Variants in AK1 observed in about 807,000 individuals in gnomAD.
AK1 encodes the protein adenylate kinase 1, also known as adenylate kinase isoenzyme 1.
Under a neutral mutation model 23.9 loss-of-function variants are expected in AK1, and 13 were observed. That is an observed-to-expected ratio of 0.54 (90% confidence interval 0.35 to 0.86). The LOEUF (loss-of-function observed/expected upper bound fraction) is 0.86, where lower values mean the gene tolerates loss of function less well. AK1 is among the 40% of genes least tolerant of loss of function. The pLI, the probability that AK1 is intolerant of heterozygous loss-of-function variation, is 0.01. For synonymous variants in AK1, 97 were observed against 102.8 expected, an observed-to-expected ratio of 0.94 and a Z score of 0.34; for missense variants, 214 against 255.1, an observed-to-expected ratio of 0.84 and a Z score of 1.10.
Position 127,871,516 on chromosome 9 carries a change from A to T in AK1, c.324+307T>A, listed in dbSNP as rs1318530307. Among the ~76,000 whole-genome samples the T allele has an allele frequency of 2.0e-5, 3 of 150,570 alleles. No individual in the cohort carries two copies. The highest frequency in any genetic ancestry group is 4.4e-5 in the Non-Finnish European group (3 of 67,860). On this transcript the variant is annotated intron_variant, in intron 5 of 6. Coordinates refer to ENST00000644144, the MANE Select transcript of AK1 (RefSeq NM_000476.3). The surrounding 1 kb of genome is among the most constrained non-coding windows in gnomAD (Gnocchi z 4.4). The stretch of plus-strand genomic sequence containing the variant: ...AAGGCAGCTGTGACCTGGTCCTCCC[A>T]CTCCCTGCATTTTGCAGATGGGAAA...
intron 5 of AK1, among the ~76,000 whole-genome samples, chr9:127,870,867 C>T (rs986607731): frequency 1.3e-5 from 2 of 151,492 alleles, no homozygotes; most frequent in African/African-American, 2.5e-5. Context: ...CTGCCCCAGC[C>T]CACCAGGATG....
Position 127,868,091 on chromosome 9 carries a change from G to A in AK1, c.517-15C>T. Reference sequence around the variant, plus strand: ...TCAGCGTTGACCTGTGGGGAGATGGGCCGTGAGGGCTGAGTCACCAGGTGG... The same window carrying A: ...TCAGCGTTGACCTGTGGGGAGATGGACCGTGAGGGCTGAGTCACCAGGTGG... On this transcript the variant is annotated splice_polypyrimidine_tract_variant and intron_variant, in intron 6 of 6. Transcript: ENST00000644144. This position sits in a 1 kb window ranked among gnomAD's most constrained non-coding sequence, Gnocchi z 4.1. 6.2e-7 allele frequency: 1 copy of A among 1,613,790 alleles called. No homozygotes were observed. The highest frequency in any genetic ancestry group is 8.5e-7 in the Non-Finnish European group (1 of 1,179,742).
chr9:127,872,808 T>C lies in AK1; in HGVS notation c.89A>G (p.Gln30Arg). 6.2e-7 allele frequency: 1 copy of C among 1,614,102 alleles called. No individual in the cohort carries two copies. Among genetic ancestry groups the C allele is most frequent in the Non-Finnish European group, 8.5e-7 (1 of 1,180,014 alleles). Residue 30 changes from glutamine to arginine, a missense_variant, in exon 4 of 7, where the codon CAG becomes CGG. Physicochemically the swap from Gln to Arg is conservative, Grantham distance 43 (BLOSUM62 1). Transcript: ENST00000644144. ...GKGTQCEKIV[Q>R]KYGYTHLSTG... is the part of the protein sequence containing the mutation. ...GGAGAGGTGGGTGTAGCCATACTTC[T>C]GCACGATCTTCTCACACTGGGTGCC...
In AK1 at chr9:127,871,111, T is replaced by C. The variant is rs1252177726; in HGVS notation, c.324+712A>G. Among the ~76,000 whole-genome samples the C allele has an allele frequency of 1.3e-5, 2 of 151,754 alleles. No individual in the cohort carries two copies. The highest frequency in any genetic ancestry group is 2.9e-5 in the Non-Finnish European group (2 of 68,034). ...GCATGTGTGCACATGCCCCTGGCCT[T>C]GTGTGTATGAACTTGTGGGGCTTGT... On this transcript the variant is annotated intron_variant, in intron 5 of 6. Transcript: ENST00000644144. The surrounding 1 kb of genome is among the most constrained non-coding windows in gnomAD (Gnocchi z 4.4).
chr9:127,871,629 G>A lies in AK1; in HGVS notation c.324+194C>T, dbSNP rs1829411910. ...CCCAGGTTTGGCAACTGCCCCTCCT[G>A]GCGCTTCCCCTTCTACACATTTTCT... On this transcript the variant is annotated intron_variant, in intron 5 of 6. Transcript: ENST00000644144. This position sits in a 1 kb window ranked among gnomAD's most constrained non-coding sequence, Gnocchi z 4.4. 6.6e-6 allele frequency among the ~76,000 whole-genome samples: 1 copy of A among 151,516 alleles called. No individual in the cohort carries two copies. Among genetic ancestry groups the A allele is most frequent in the African/African-American group, 2.4e-5 (1 of 40,838 alleles).
intron 4 of AK1, 142 bp downstream of exon 4, chr9:127,872,548 G>A (rs551582448): frequency 1.9e-4 from 214 of 1,122,558 alleles, no homozygotes; most frequent in Non-Finnish European, 2.5e-4. Flanking sequence ...TCTGTCCAGG[G>A]CAATGGGGAA....
At position 127,872,717 on chromosome 9, in the gene AK1, G is replaced by T. The variant is rs149147899; in HGVS notation, c.180C>A (p.Ile60=). The T allele has an allele frequency of 1.2e-6, 2 of 1,614,012 alleles. No individual in the cohort carries two copies. Among genetic ancestry groups the T allele is most frequent in the African/African-American group, 2.7e-5 (2 of 74,932 alleles). Residue 60 remains isoleucine (I), a synonymous_variant, in exon 4 of 7, where the codon ATC becomes ATA. Transcript: ENST00000644144. ...GSARGKKLSE[I]MEKGQLVPLE... is the part of the protein sequence containing the mutation. ...GTGGAACCAGCTGCCCCTTCTCCATGATTTCCGACAGCTTCTTGCCCCTGG... is the reference window on the plus strand; with the variant it reads ...GTGGAACCAGCTGCCCCTTCTCCATTATTTCCGACAGCTTCTTGCCCCTGG...
At position 127,868,173 on chromosome 9, in the gene AK1, C is replaced by A; in HGVS notation, c.517-97G>T. 6.7e-7 allele frequency: 1 copy of A among 1,500,938 alleles called. No homozygotes were observed. The highest frequency in any genetic ancestry group is 9.2e-7 in the Non-Finnish European group (1 of 1,086,070). 93.0% of individuals were successfully genotyped at this position (1,500,938 alleles called of 1,614,324 possible). ...GAGACCAGGCCTGCCTCCCCGAGCC[C>A]AACCTAATTGACAGCAGCCCCTCAT... On this transcript the variant is annotated intron_variant, in intron 6 of 6. Transcript: ENST00000644144. This position sits in a 1 kb window ranked among gnomAD's most constrained non-coding sequence, Gnocchi z 4.1.
intron 2 of AK1, 176 bp from the exon 3 acceptor site, chr9:127,873,237 G>A (rs919165125): frequency 4.6e-5 from 70 of 1,536,328 alleles, no homozygotes; most frequent in Admixed American, 1.2e-4. Flanking sequence ...GAGTGAGCTC[G>A]GAGCCTGGGA....
At chr9:127,875,262 C>A (rs975797154) in intron 1 of AK1, among the ~76,000 whole-genome samples, 1 of 151,980 alleles carries the variant, frequency 6.6e-6, no homozygotes, top group Non-Finnish European at 1.5e-5. Flanking sequence ...AACAACCAGC[C>A]CCACGCATGT....
At chr9:127,876,908 C>A (rs1035857702) in intron 1 of AK1, among the ~76,000 whole-genome samples, 2 of 152,222 alleles carry the variant, frequency 1.3e-5, no homozygotes, top group African/African-American at 2.4e-5. Context: ...GGTGACTTAA[C>A]CCCAATCACA....
chr9:127,874,053 C>T lies in AK1; in HGVS notation c.7+558G>A, dbSNP rs548363911. On this transcript the variant is annotated intron_variant, in intron 2 of 6. Coordinates refer to ENST00000644144, the MANE Select transcript of AK1 (RefSeq NM_000476.3). ...TGGAGCTCAGGCAGAGCAGCAGCAG[C>T]AGCAGCAGCAGGCCCGCTGGGTGTC... The T allele has an allele frequency of 4.0e-4, 398 of 985,444 alleles. 3 individuals carry two copies. In the Middle Eastern group the frequency reaches 0.012, roughly 30 times the overall value. 61.0% of individuals were successfully genotyped at this position (985,444 alleles called of 1,614,324 possible). A position where few individuals can be genotyped will look rare whatever the true frequency, so the allele number is the denominator to read the frequency against.
chr9:127,873,633 C>T, intron 2 of AK1: 1 of 1,409,850 alleles, frequency 7.1e-7, no homozygotes, highest in Non-Finnish European at 9.2e-7. Context: ...GGGCGGTGAG[C>T]TTGGCTCCAA....
Position 127,868,337 on chromosome 9 carries a change from C to T in AK1, c.500G>A (p.Arg167His), listed in dbSNP as rs1333084692. The T allele has an allele frequency of 2.5e-6, 4 of 1,597,462 alleles. No homozygotes were observed. Among genetic ancestry groups the T allele is most frequent in the Non-Finnish European group, 3.4e-6 (4 of 1,171,998 alleles). The change falls in exon 6 of 7, where the codon CGT becomes CAT. Residue 167 changes from arginine to histidine, a missense_variant. Arg to His is a conservative substitution (Grantham distance 29). Transcript: ENST00000644144. This position sits in a 1 kb window ranked among gnomAD's most constrained non-coding sequence, Gnocchi z 4.1. ...GGGGCCCACCTTGCGCACAATGCCACGTTTCTCATAGAAGGCGATGACAGG... is the reference window on the plus strand; with the variant it reads ...GGGGCCCACCTTGCGCACAATGCCATGTTTCTCATAGAAGGCGATGACAGG... Reference protein sequence around the residue: ...TEPVIAFYEKRGIVRKVNAEG... With the variant: ...TEPVIAFYEKHGIVRKVNAEG...
chr9:127,873,222 G>A (rs1829459028), intron 2 of AK1, 161 bp from the exon 3 acceptor site: 1 of 1,538,042 alleles, frequency 6.5e-7, no homozygotes. Context: ...AGTCAGCAGG[G>A]ATGTGAGTGA....
Position 127,866,522 on chromosome 9 carries a change from TTAAA to T in AK1, c.*1482_*1485del, listed in dbSNP as rs1383156419. ...AAAATCGTTTATTTTAAAGGAAACT[TTAAA>T]TAACCAATGGAAATGAAAAACCAGC... On this transcript the variant is annotated 3_prime_UTR_variant, in exon 7 of 7. Transcript: ENST00000644144. 1.3e-5 allele frequency: 2 copies of T among 152,240 alleles called. No individual in the cohort carries two copies. The highest frequency in any genetic ancestry group is 2.1e-4 in the South Asian group (1 of 4,832). The allele number at this position is 152,240 out of a possible 1,614,324, so 9.4% of individuals were successfully genotyped here. A position where few individuals can be genotyped will look rare whatever the true frequency, so the allele number is the denominator to read the frequency against.
rs1829282955 is a variant in AK1 at position 127,867,929 on chromosome 9, G to T, written c.*79C>A. On this transcript the variant is annotated 3_prime_UTR_variant, in exon 7 of 7. Coordinates refer to ENST00000644144, the MANE Select transcript of AK1 (RefSeq NM_000476.3). ...GTGCTCAGCAGGGCAGGGTGGAGGC[G>T]CTGCGCTCAGGCCAGGAGGACCTCG... is the stretch of plus-strand genomic sequence containing the variant. 1.4e-6 allele frequency: 2 copies of T among 1,416,100 alleles called. No individual in the cohort carries two copies. The highest frequency in any genetic ancestry group is 1.4e-5 in the African/African-American group (1 of 70,732). The allele number at this position is 1,416,100 out of a possible 1,614,324, so 87.7% of individuals were successfully genotyped here.
At position 127,873,527 on chromosome 9, in the gene AK1, C is replaced by G. The variant is rs924904322; in HGVS notation, c.8-466G>C. The stretch of plus-strand genomic sequence containing the variant: ...GGGCCGGCCCATCACCCGCCTCCCC[C>G]GGCAGTGGGGGCTTAGCAACCACAA... On this transcript the variant is annotated intron_variant, in intron 2 of 6. Transcript: ENST00000644144. 1.2e-5 allele frequency: 18 copies of G among 1,441,922 alleles called. No homozygotes were observed. The South Asian group carries it at 2.2e-4, about 18-fold the overall frequency. The allele number at this position is 1,441,922 out of a possible 1,614,324, so 89.3% of individuals were successfully genotyped here. A position where few individuals can be genotyped will look rare whatever the true frequency, so the allele number is the denominator to read the frequency against.
At chr9:127,876,308 ACTGG>A (rs1829537188) in intron 1 of AK1, among the ~76,000 whole-genome samples, 1 of 152,168 alleles carries the variant, frequency 6.6e-6, no homozygotes, top group Non-Finnish European at 1.5e-5. Context: ...GATCCCATTG[ACTGG>A]GCCTGGCATG....
Sources: gnomAD v4.1 joint callset for allele counts (sites outside exome capture counted in the v4.1 genomes callset) on GRCh38, gnomAD v4.1.1 for gene constraint, Gnocchi (gnomAD v3.1) non-coding constraint, MANE v1.5 for transcripts, NCBI Gene and HGNC (gene_info 2026-07-23, HGNC 2026-07-21) for gene names.